Variants in PTN observed in about 807,000 individuals in gnomAD.
PTN encodes pleiotrophin, also known as heparin affin regulatory protein.
A neutral mutation model predicts 24.1 loss-of-function variants in PTN; 18 were observed. The ratio of observed to expected loss-of-function variants is 0.75; its 90% CI spans 0.52 to 1.11. The LOEUF (loss-of-function observed/expected upper bound fraction) is 1.11, where lower values mean the gene tolerates loss of function less well. Ranked by LOEUF, PTN falls within the 50% of genes least tolerant of loss-of-function variation. PTN has a pLI of 0.00. For synonymous variants in PTN, 78 were observed against 68.6 expected, an observed-to-expected ratio of 1.14 and a Z score of -0.67; for missense variants, 163 against 198.8, an observed-to-expected ratio of 0.82 and a Z score of 1.08.
intron 4 of PTN, among the ~76,000 whole-genome samples, chr7:137,240,183 A>G (rs75562025): frequency 1.3e-5 from 2 of 152,160 alleles, no homozygotes; most frequent in Non-Finnish European, 2.9e-5. Context: ...TGATTTAATT[A>G]TTATTTATTT....
intron 4 of PTN, among the ~76,000 whole-genome samples, chr7:137,231,653 A>C (rs1808428728): frequency 1.3e-5 from 2 of 151,982 alleles, no homozygotes; most frequent in African/African-American, 2.4e-5. Flanking sequence ...TGCGGAGTGG[A>C]TAAATGAATA....
intron 1 of PTN, among the ~76,000 whole-genome samples, chr7:137,271,899 T>G (rs1237303879): frequency 6.6e-6 from 1 of 152,248 alleles, no homozygotes; most frequent in Non-Finnish European, 1.5e-5. Context: ...GTTTTGGGAT[T>G]AGAGATTACG....
chr7:137,275,470 A>G (rs1430820295), intron 1 of PTN, among the ~76,000 whole-genome samples: 2 of 152,130 alleles, frequency 1.3e-5, no homozygotes, highest in Non-Finnish European at 2.9e-5. Flanking sequence ...GATATTAGAA[A>G]CCCTACAAGA....
At chr7:137,271,172 C>T (rs371909297) in intron 1 of PTN, among the ~76,000 whole-genome samples, 4 of 152,164 alleles carry the variant, frequency 2.6e-5, no homozygotes, top group African/African-American at 7.2e-5. Context: ...AACCTGAAAT[C>T]GTACCAATTC....
chr7:137,306,565 C>A (rs898466161), intron 1 of PTN, among the ~76,000 whole-genome samples: 6 of 152,018 alleles, frequency 3.9e-5, no homozygotes, highest in African/African-American at 1.4e-4. Context: ...GAAAGAAACC[C>A]TTTGAAAAAA....
intron 4 of PTN, among the ~76,000 whole-genome samples, chr7:137,249,272 C>CGTGT (rs60014659): frequency 0.07 from 10,105 of 145,276 alleles, 825 homozygotes; most frequent in African/African-American, 0.2. Context: ...GGACAGTGCA[C>CGTGT]GTGTGTGTGT....
intron 1 of PTN, among the ~76,000 whole-genome samples, chr7:137,321,673 C>T (rs1810165453): frequency 6.6e-6 from 1 of 152,144 alleles, no homozygotes; most frequent in Admixed American, 6.5e-5. Context: ...TGTCACAGCA[C>T]TATTTAATAA....
chr7:137,237,654 C>T (rs1179153724), intron 4 of PTN, among the ~76,000 whole-genome samples: 1 of 152,132 alleles, frequency 6.6e-6, no homozygotes, highest in Non-Finnish European at 1.5e-5. Flanking sequence ...TGCATTAATT[C>T]TTTCACCCCC....
At position 137,248,325 on chromosome 7, in the gene PTN, A is replaced by T. The variant is rs569662508; in HGVS notation, c.451+2905T>A. On this transcript the variant is annotated intron_variant, in intron 4 of 4. Coordinates refer to ENST00000348225, the MANE Select transcript of PTN (RefSeq NM_002825.7). ...GCCATGGAATGTGTGTGTGTGTGTG[A>T]GTGTGTCTGTGTCCCCTACAAAGAT... Among the ~76,000 whole-genome samples the T allele has an allele frequency of 3.9e-5, 6 of 152,082 alleles. No individual in the cohort carries two copies. In the South Asian group the frequency reaches 1.2e-3, roughly 32 times the overall value.
chr7:137,343,515 G>C lies in PTN; in HGVS notation c.-78C>G. 1 of 518,906 alleles carries C rather than the reference G, an allele frequency of 1.9e-6. No homozygotes were observed. The highest frequency in any genetic ancestry group is 3.8e-6 in the Non-Finnish European group (1 of 259,864). 32.1% of individuals were successfully genotyped at this position (518,906 alleles called of 1,614,324 possible). ...GCGAGGTTGCTACCGCTGAGTCCAG[G>C]TACCCGGCTCGCTGCAGCTCCTGCT... On this transcript the variant is annotated 5_prime_UTR_variant, in exon 1 of 5. Coordinates refer to ENST00000348225, the MANE Select transcript of PTN (RefSeq NM_002825.7).
chr7:137,269,863 C>T (rs1009266176), intron 1 of PTN, among the ~76,000 whole-genome samples: 1 of 152,006 alleles, frequency 6.6e-6, no homozygotes, highest in Non-Finnish European at 1.5e-5. Flanking sequence ...AATCTCCTGA[C>T]CTCGTGAGCC....
chr7:137,311,685 A>G (rs1422320438), intron 1 of PTN, among the ~76,000 whole-genome samples: 3 of 152,228 alleles, frequency 2.0e-5, no homozygotes, highest in African/African-American at 7.2e-5. Flanking sequence ...GAAATGACCT[A>G]TCAATGGAAT....
At chr7:137,301,825 T>A (rs978659992) in intron 1 of PTN, among the ~76,000 whole-genome samples, 6 of 151,988 alleles carry the variant, frequency 3.9e-5, no homozygotes, top group Admixed American at 6.6e-5. Flanking sequence ...TAAAAATTTT[T>A]AAAAGTATCT....
chr7:137,266,630 T>C lies in PTN; in HGVS notation c.-1-11656A>G, dbSNP rs528945379. 2.0e-5 allele frequency among the ~76,000 whole-genome samples: 3 copies of C among 151,924 alleles called. No homozygotes were observed. The East Asian group carries it at 5.8e-4, about 29-fold the overall frequency. On this transcript the variant is annotated intron_variant, in intron 1 of 4. Transcript: ENST00000348225. ...TTACATAAATTCTGCCTCCCCTTTT[T>C]TTTCCTTTTTTTTTGAAGATAACCA...
intron 1 of PTN, among the ~76,000 whole-genome samples, chr7:137,288,058 A>G: frequency 6.6e-6 from 1 of 152,184 alleles, no homozygotes; most frequent in Non-Finnish European, 1.5e-5. Context: ...GTAAAAGAGG[A>G]TATTTCCAGG....
intron 1 of PTN, among the ~76,000 whole-genome samples, chr7:137,299,661 G>A (rs947249942): frequency 7.2e-5 from 11 of 151,964 alleles, no homozygotes; most frequent in Non-Finnish European, 2.9e-5. Context: ...TCCATCAAAT[G>A]TGTAAGCTTT....
At chr7:137,269,280 C>G (rs1420676810) in intron 1 of PTN, among the ~76,000 whole-genome samples, 1 of 152,068 alleles carries the variant, frequency 6.6e-6, no homozygotes, top group Non-Finnish European at 1.5e-5. Flanking sequence ...TATTGTTGCT[C>G]TCTTGATCAA....
intron 4 of PTN, among the ~76,000 whole-genome samples, chr7:137,242,624 T>C (rs1464211876): frequency 1.4e-4 from 22 of 152,166 alleles, no homozygotes; most frequent in Non-Finnish European, 1.5e-5. Flanking sequence ...AGGTGAACAA[T>C]AACCCAAGAT....
chr7:137,342,441 A>G (rs1019493290), intron 1 of PTN, among the ~76,000 whole-genome samples: 14 of 152,050 alleles, frequency 9.2e-5, no homozygotes, highest in Admixed American at 3.9e-4. Flanking sequence ...TATTTTCTGA[A>G]TGTGTCCCCA....
Sources: allele counts gnomAD v4.1 joint callset (sites outside exome capture counted in the v4.1 genomes callset), GRCh38; gene constraint gnomAD v4.1.1; transcripts MANE v1.5; gene names NCBI Gene and HGNC (gene_info 2026-07-23, HGNC 2026-07-21).